Variants in RELN observed in about 807,000 individuals in gnomAD.
RELN encodes the protein reelin.
RELN carries 108 observed loss-of-function variants against 427.6 expected under a neutral mutation model. That is an observed-to-expected ratio of 0.25 (90% CI 0.22 to 0.30). The LOEUF (loss-of-function observed/expected upper bound fraction) is 0.30. RELN is among the 10% of genes least tolerant of loss of function. RELN has a pLI of 1.00. For synonymous variants in RELN, 1,524 were observed against 1,513.4 expected (o/e 1.01, Z -0.16); for missense variants, 3,715 against 4,302.8 (o/e 0.86, Z 3.82).
intron 63 of RELN, chr7:103,482,271 C>G (rs1828268754): frequency 6.3e-6 from 1 of 157,720 alleles, no homozygotes; most frequent in African/African-American, 2.4e-5. Context: ...TCTACAGGAA[C>G]TAGATCATTA....
rs747324864 is a variant in RELN at position 103,650,263 on chromosome 7, T to C, written c.2002+11A>G. The stretch of plus-strand genomic sequence containing the variant: ...CAATGGCATGTGATTATGACAGGCA[T>C]AAACACTAACCATTATCAATTGCCC... On this transcript the variant is annotated intron_variant, in intron 16 of 64. Transcript: ENST00000428762. 4 of 1,503,630 alleles carry C rather than the reference T, an allele frequency of 2.7e-6. No individual in the cohort carries two copies. The allele number at this position is 1,503,630 out of a possible 1,614,324, so 93.1% of individuals were successfully genotyped here.
rs56146903 is a variant in RELN, at chr7:103,661,481, C to G, written c.1336G>C (p.Glu446Gln). 357 of 1,613,632 alleles carry G rather than the reference C, an allele frequency of 2.2e-4. No homozygotes were observed. The highest frequency in any genetic ancestry group is 2.7e-4 in the Non-Finnish European group (321 of 1,179,766). ...AVIGTECGTI[E>Q]SGLSMVFLKD... ...AGGAAGACCATTGATAAGCCTGATT[C>G]TATCGTTCCACATTCTGTACCAATG... Residue 446 changes from glutamate (E) to glutamine (Q), a missense_variant, in exon 12 of 65, where the codon GAA (glutamate) becomes CAA (glutamine). Physicochemically the swap from Glu to Gln is conservative, Grantham distance 29. Coordinates refer to ENST00000428762, the MANE Select transcript of RELN (RefSeq NM_005045.4).
At chr7:103,543,405 G>A (rs539619355) in intron 42 of RELN, among the ~76,000 whole-genome samples, 5 of 152,306 alleles carry the variant, frequency 3.3e-5, no homozygotes, top group African/African-American at 1.2e-4. Flanking sequence ...CAGCACTTTG[G>A]GAGGCCGAGG....
At chr7:103,935,631 T>C (rs1196570424) in intron 1 of RELN, among the ~76,000 whole-genome samples, 1 of 152,152 alleles carries the variant, frequency 6.6e-6, no homozygotes, top group Non-Finnish European at 1.5e-5. Flanking sequence ...AGCTCCAGCT[T>C]AACTCCCTGT....
chr7:103,825,730 G>T (rs1793121679), intron 3 of RELN, among the ~76,000 whole-genome samples: 1 of 152,148 alleles, frequency 6.6e-6, no homozygotes, highest in Admixed American at 6.6e-5. Flanking sequence ...TTAGCCATAT[G>T]TGGCTACTGA....
chr7:103,535,503 T>C lies in RELN; in HGVS notation c.7181-19A>G, dbSNP rs187689137. On this transcript the variant is annotated intron_variant, in intron 45 of 64. Coordinates refer to ENST00000428762, the MANE Select transcript of RELN (RefSeq NM_005045.4). ...TCAATCGCTGAAACAGGAAACATTA[T>C]TTTGGATATAAACACATATCTGCAG... The C allele has an allele frequency of 1.7e-3, 2,709 of 1,611,092 alleles. 2 individuals are homozygous for C. The highest frequency in any genetic ancestry group is 2.1e-3 in the Non-Finnish European group (2,437 of 1,177,300).
At position 103,734,078 on chromosome 7, in the gene RELN, C is replaced by CAAAACA. The variant is rs1181061613; in HGVS notation, c.657-5877_657-5872dup. 2.0e-5 allele frequency among the ~76,000 whole-genome samples: 3 copies of CAAAACA among 152,092 alleles called. No individual in the cohort carries two copies. The East Asian group carries it at 5.8e-4, about 29-fold the overall frequency. ...GGTTCAATTTTCTTTAGGCTCAGTG[C>CAAAACA]AAAACAAAAACAAAAACAAAAACTA... On this transcript the variant is annotated intron_variant, in intron 6 of 64. Coordinates refer to ENST00000428762, the MANE Select transcript of RELN (RefSeq NM_005045.4).
chr7:103,936,887 A>G (rs1584383242), intron 1 of RELN, among the ~76,000 whole-genome samples: 1 of 152,220 alleles, frequency 6.6e-6, no homozygotes, highest in Non-Finnish European at 1.5e-5. Flanking sequence ...TTCCAAGGAT[A>G]TCCATTAACC....
intron 1 of RELN, among the ~76,000 whole-genome samples, chr7:103,934,324 G>A (rs761676242): frequency 6.6e-6 from 1 of 152,088 alleles, no homozygotes; most frequent in Non-Finnish European, 1.5e-5. Context: ...TATTCAATGA[G>A]AATTGCATGC....
At chr7:103,679,167 A>T (rs1047870093) in intron 11 of RELN, among the ~76,000 whole-genome samples, 1 of 152,224 alleles carries the variant, frequency 6.6e-6, no homozygotes, top group South Asian at 2.1e-4. Context: ...AACCCCCAAC[A>T]CATACAAGCA....
chr7:103,698,217 A>T, intron 9 of RELN, 124 bp from the exon 10 acceptor site: 1 of 1,188,170 alleles, frequency 8.4e-7, no homozygotes, highest in Non-Finnish European at 1.2e-6. Flanking sequence ...CAGATAAAAT[A>T]GCTACAATCT....
chr7:103,553,974 C>G (rs1326185378), intron 38 of RELN, 143 bp from the exon 39 acceptor site: 2 of 727,276 alleles, frequency 2.7e-6, no homozygotes, highest in Non-Finnish European at 4.8e-6. Flanking sequence ...TTGTTTGAGC[C>G]CAGGAGTTCA....
chr7:103,574,514 A>C (rs1049861581), intron 29 of RELN, among the ~76,000 whole-genome samples: 1 of 152,238 alleles, frequency 6.6e-6, no homozygotes, highest in Admixed American at 6.5e-5. Context: ...TTATTTTTTA[A>C]TAGAGACAGA....
chr7:103,479,296 CA>C (rs1828146161), intron 63 of RELN, among the ~76,000 whole-genome samples: 1 of 152,170 alleles, frequency 6.6e-6, no homozygotes, highest in South Asian at 2.1e-4. Flanking sequence ...GGGATCTGCC[CA>C]GTGTATTCAT....
chr7:103,498,393 C>CTATT, intron 53 of RELN, 141 bp from the exon 54 acceptor site: 1 of 746,854 alleles, frequency 1.3e-6, no homozygotes, highest in Non-Finnish European at 2.3e-6. Context: ...TTAAAAAAGG[C>CTATT]TATTTCCACA....
chr7:103,733,554 T>C (rs533200840), intron 6 of RELN, among the ~76,000 whole-genome samples: 2,027 of 147,286 alleles, frequency 0.014, 35 homozygotes, highest in Non-Finnish European at 0.018. Flanking sequence ...TGTCCAACAA[T>C]GACAGACTGG....
intron 11 of RELN, among the ~76,000 whole-genome samples, chr7:103,670,263 AC>A (rs1478040822): frequency 6.6e-6 from 1 of 152,104 alleles, no homozygotes; most frequent in African/African-American, 2.4e-5. Context: ...GAAATTATAT[AC>A]CTACATAAGT....
At chr7:103,924,484 C>G (rs1795682887) in intron 1 of RELN, among the ~76,000 whole-genome samples, 2 of 152,138 alleles carry the variant, frequency 1.3e-5, no homozygotes, top group African/African-American at 4.8e-5. Flanking sequence ...TGCTTTGCAG[C>G]TTTGTCTCCA....
intron 27 of RELN, among the ~76,000 whole-genome samples, chr7:103,591,984 C>T (rs987379747): frequency 6.6e-6 from 1 of 151,932 alleles, no homozygotes; most frequent in African/African-American, 2.4e-5. Context: ...TTTTGGTCTC[C>T]CTCTAACTAC....
Sources: allele counts gnomAD v4.1 joint callset (sites outside exome capture counted in the v4.1 genomes callset), GRCh38; gene constraint gnomAD v4.1.1; transcripts MANE v1.5; gene names NCBI Gene and HGNC (gene_info 2026-07-23, HGNC 2026-07-21).